Variants in PCDHGB5 observed in about 807,000 individuals in gnomAD.
The protein encoded by PCDHGB5 is protocadherin gamma subfamily B, 5.
A neutral mutation model predicts 62.9 loss-of-function variants in PCDHGB5; 48 were observed. The observed-to-expected ratio is 0.76, with a 90% CI of 0.61 to 0.97. The LOEUF is 0.97. PCDHGB5 is among the 50% of genes least tolerant of loss of function. The pLI, the probability that PCDHGB5 is intolerant of heterozygous loss-of-function variation, is 0.00. For missense variants in PCDHGB5, 1,118 were observed against 1,198.6 expected, an observed-to-expected ratio of 0.93 and a Z score of 0.99; for synonymous variants, 474 against 511.2, an observed-to-expected ratio of 0.93 and a Z score of 0.98.
At position 141,398,135 on chromosome 5, in the gene PCDHGB5, G is replaced by A. The variant is rs771670845; in HGVS notation, c.8G>A (p.Ser3Asn). ...CTGAGGAGAGCAAGAGGGATGGGGAGCGGCGCCGGGGAGCTGGGCCGGGCT... is the reference window on the plus strand; with the variant it reads ...CTGAGGAGAGCAAGAGGGATGGGGAACGGCGCCGGGGAGCTGGGCCGGGCT... MGSGAGELGRAER... is the reference protein window; with the variant it reads MGNGAGELGRAER... The change falls in exon 1 of 4, where the codon AGC becomes AAC. Residue 3 changes from serine (S) to asparagine (N), a missense_variant. Transcript: ENST00000617380. 4 of 1,556,792 alleles carry A rather than the reference G, an allele frequency of 2.6e-6. No individual in the cohort carries two copies. Among genetic ancestry groups the A allele is most frequent in the Non-Finnish European group, 3.5e-6 (4 of 1,157,318 alleles).
Position 141,400,186 on chromosome 5 carries a change from TACCTAG to T in PCDHGB5, c.2060_2065del (p.Tyr687_Val689delinsLeu), listed in dbSNP as rs1474148355. 6.2e-7 allele frequency: 1 copy of T among 1,614,068 alleles called. No homozygotes were observed. The highest frequency in any genetic ancestry group is 8.5e-7 in the Non-Finnish European group (1 of 1,179,904). The stretch of plus-strand genomic sequence containing the variant: ...TGACCCCCAGGCTGAGCTGCAGTTT[TACCTAG>T]TGGTGGCCTTGGCCTTGATCTCAGT... On this transcript the variant is annotated inframe_deletion, in exon 1 of 4. Transcript: ENST00000617380.
At chr5:141,422,880 G>T in intron 1 of PCDHGB5, 1 of 1,614,258 alleles carries the variant, frequency 6.2e-7, no homozygotes, top group East Asian at 2.2e-5. Flanking sequence ...CGCTGAGCCT[G>T]TTCGTGCTGG....
Position 141,476,570 on chromosome 5 carries a change from A to G in PCDHGB5, c.2398-18237A>G. ...GATTAGCGAGGCCGTGGCTCCGGGG[A>G]CGCGCTTTCCGCTCGAGAGCGCGCA... On this transcript the variant is annotated intron_variant, in intron 1 of 3. Transcript: ENST00000617380. The surrounding 1 kb of genome is among the most constrained non-coding windows in gnomAD (Gnocchi z 7.6). 3 of 1,614,114 alleles carry G rather than the reference A, an allele frequency of 1.9e-6. No individual in the cohort carries two copies. The highest frequency in any genetic ancestry group is 2.5e-6 in the Non-Finnish European group (3 of 1,180,012).
chr5:141,460,649 A>G (rs1171722531), intron 1 of PCDHGB5, among the ~76,000 whole-genome samples: 2 of 152,152 alleles, frequency 1.3e-5, no homozygotes, highest in Non-Finnish European at 2.9e-5. Flanking sequence ...GTGTTTACAC[A>G]TATGTAACTG....
chr5:141,472,733 C>T (rs1450872513), intron 1 of PCDHGB5, among the ~76,000 whole-genome samples: 2 of 151,996 alleles, frequency 1.3e-5, no homozygotes, highest in Non-Finnish European at 2.9e-5. Context: ...CACCTGTAAT[C>T]CCAGCACTTT....
rs1029237740 is a variant in PCDHGB5, at chr5:141,500,358, A to G, written c.2457-5035A>G. ...AGAATAGCTGGGACTACAGGCGCCC[A>G]CTACCACGCCCGGCTAATTATTTTG... On this transcript the variant is annotated intron_variant, in intron 2 of 3. Coordinates refer to ENST00000617380, the MANE Select transcript of PCDHGB5 (RefSeq NM_018925.3). Among the ~76,000 whole-genome samples, 5 of 151,706 alleles carry G rather than the reference A, an allele frequency of 3.3e-5. No homozygotes were observed. In the South Asian group the frequency reaches 6.3e-4, roughly 19 times the overall value.
chr5:141,499,599 C>G (rs2099792919), intron 2 of PCDHGB5, among the ~76,000 whole-genome samples: 2 of 152,102 alleles, frequency 1.3e-5, no homozygotes, highest in South Asian at 4.1e-4. Context: ...TCACCTATAT[C>G]CCTACCCTTA....
At chr5:141,461,328 A>G (rs2154567322) in intron 1 of PCDHGB5, among the ~76,000 whole-genome samples, 1 of 152,282 alleles carries the variant, frequency 6.6e-6, no homozygotes, top group East Asian at 1.9e-4. Flanking sequence ...AATAATGGCC[A>G]TTCTTGCAGG....
intron 1 of PCDHGB5, chr5:141,409,321 T>G (rs899218484): frequency 1.9e-6 from 3 of 1,613,996 alleles, no homozygotes; most frequent in Admixed American, 1.7e-5. Context: ...AAACACGGGA[T>G]CTGGATTTCG....
Position 141,431,151 on chromosome 5 carries a change from C to T in PCDHGB5, c.2397+30627C>T, listed in dbSNP as rs764416448. The T allele has an allele frequency of 6.2e-7, 1 of 1,614,126 alleles. No individual in the cohort carries two copies. Among genetic ancestry groups the T allele is most frequent in the African/African-American group, 1.3e-5 (1 of 74,954 alleles). On this transcript the variant is annotated intron_variant, in intron 1 of 3. Coordinates refer to ENST00000617380, the MANE Select transcript of PCDHGB5 (RefSeq NM_018925.3). The surrounding 1 kb of genome is among the most constrained non-coding windows in gnomAD (Gnocchi z 4.8). ...GTAAGGGACATTAACGACAATGCGC[C>T]TTACTTTCGTGAAAGTGAATTAGAA...
intron 1 of PCDHGB5, chr5:141,408,609 A>G (rs765291231): frequency 1.2e-5 from 19 of 1,613,970 alleles, no homozygotes; most frequent in Non-Finnish European, 3.4e-6. Flanking sequence ...TTTGATAAAA[A>G]GGAAATACAT....
chr5:141,448,118 G>A (rs1356488538), intron 1 of PCDHGB5, among the ~76,000 whole-genome samples: 1 of 151,534 alleles, frequency 6.6e-6, no homozygotes, highest in East Asian at 1.9e-4. Flanking sequence ...AAGAAAATTA[G>A]CCTCCCCCAC....
rs758715682 is a variant in PCDHGB5, at chr5:141,490,062, C to T, written c.2398-4745C>T. The T allele has an allele frequency of 2.6e-5, 42 of 1,614,100 alleles. No individual in the cohort carries two copies. The highest frequency in any genetic ancestry group is 3.3e-5 in the South Asian group (3 of 91,086). On this transcript the variant is annotated intron_variant, in intron 1 of 3. Coordinates refer to ENST00000617380, the MANE Select transcript of PCDHGB5 (RefSeq NM_018925.3). The surrounding 1 kb of genome is among the most constrained non-coding windows in gnomAD (Gnocchi z 5.4). The stretch of plus-strand genomic sequence containing the variant: ...CCACTGATCCAGACGAGGGCACCAA[C>T]GGCCAACTAGACTATTCTTTTGGAG...
chr5:141,401,830 T>C (rs950842785), intron 1 of PCDHGB5, among the ~76,000 whole-genome samples: 4 of 152,216 alleles, frequency 2.6e-5, no homozygotes, highest in Admixed American at 1.3e-4. Context: ...TGCTGAGATT[T>C]CTTATAATAC....
chr5:141,456,746 T>C (rs548254725), intron 1 of PCDHGB5, among the ~76,000 whole-genome samples: 51 of 151,874 alleles, frequency 3.4e-4, no homozygotes, highest in African/African-American at 1.0e-3. Context: ...GGGAGCATCA[T>C]GAGGTCAGGA....
chr5:141,483,951 TTG>T (rs1298075162), intron 1 of PCDHGB5, among the ~76,000 whole-genome samples: 2 of 147,758 alleles, frequency 1.4e-5, no homozygotes, highest in Non-Finnish European at 3.0e-5. Flanking sequence ...GTGAATTGTG[TTG>T]TGTTTCTGTG....
intron 1 of PCDHGB5, among the ~76,000 whole-genome samples, chr5:141,433,789 A>G (rs1388423731): frequency 6.7e-6 from 1 of 148,972 alleles, no homozygotes; most frequent in Non-Finnish European, 1.5e-5. Flanking sequence ...ATGAGCTGAG[A>G]TTGTGCCATT....
At chr5:141,421,854 C>T (rs1402137870) in intron 1 of PCDHGB5, 9 of 1,613,644 alleles carry the variant, frequency 5.6e-6, no homozygotes. Flanking sequence ...AGGCTGCTCA[C>T]CTGCTCCTCC....
rs746913952 is a variant in PCDHGB5, at chr5:141,432,898, G to A, written c.2397+32374G>A. The A allele has an allele frequency of 1.2e-6, 2 of 1,614,174 alleles. No homozygotes were observed. Among genetic ancestry groups the A allele is most frequent in the South Asian group, 1.1e-5 (1 of 91,090 alleles). On this transcript the variant is annotated intron_variant, in intron 1 of 3. Transcript: ENST00000617380. This position sits in a 1 kb window ranked among gnomAD's most constrained non-coding sequence, Gnocchi z 6.0. ...TGGCCTTCGTCATCTTGCTGCTGGC[G>A]CTCAGGCTGCGGCGCTGGCACAAGT...
Sources: allele counts gnomAD v4.1 joint callset (sites outside exome capture counted in the v4.1 genomes callset), GRCh38; gene constraint gnomAD v4.1.1; non-coding constraint Gnocchi (gnomAD v3.1); transcripts MANE v1.5; gene names NCBI Gene and HGNC (gene_info 2026-07-23, HGNC 2026-07-21).